Variants in CYSLTR1 observed in about 807,000 individuals in gnomAD.
CYSLTR1 encodes cysteinyl leukotriene receptor 1, also known as G-protein coupled receptor HG55.
Under a neutral mutation model 2.1 loss-of-function variants are expected in CYSLTR1, and 1 was observed. That is an observed-to-expected ratio of 0.48 (90% CI 0.17 to 2.28). CYSLTR1 has a LOEUF of 2.28. Ranked by LOEUF, CYSLTR1 falls within the 30% of genes most tolerant of loss-of-function variation. The pLI is 0.26. For missense variants in CYSLTR1, 299 were observed against 250.1 expected (o/e 1.20, Z -1.32); for synonymous variants, 110 against 89.6 (o/e 1.23, Z -1.28).
At chrX:78,301,919 A>G (rs1348884227) in intron 1 of CYSLTR1, among the ~76,000 whole-genome samples, 1 of 112,270 alleles carries the variant, frequency 8.9e-6, no homozygotes, top group Non-Finnish European at 1.9e-5. Context: ...AGAAGGCAAA[A>G]GCCACACCTT....
Position 78,273,720 on chromosome X carries a change from T to C in CYSLTR1, c.27A>G (p.Val9=). The stretch of plus-strand genomic sequence containing the variant: ...TAGTGTCATGGCATGTGGCAGAAGA[T>C]ACTGTCAGATTTCCTGTTTCATCCA... MDETGNLT[V]SSATCHDTID... The change falls in exon 3 of 3, where the codon GTA becomes GTG. Residue 9 remains valine (V), a synonymous_variant. Transcript: ENST00000373304. 2 of 1,199,763 alleles carry C rather than the reference T, an allele frequency of 1.7e-6. No homozygotes were observed. Among genetic ancestry groups the C allele is most frequent in the South Asian group, 1.8e-5 (1 of 55,493 alleles).
chrX:78,286,770 C>A (rs1922093299), intron 1 of CYSLTR1, among the ~76,000 whole-genome samples: 1 of 109,180 alleles, frequency 9.2e-6, no homozygotes, highest in Non-Finnish European at 1.9e-5. Flanking sequence ...TGACAAACAG[C>A]TTTTTAAGGT....
At chrX:78,324,298 C>T (rs772599634) in intron 1 of CYSLTR1, among the ~76,000 whole-genome samples, 79 of 112,473 alleles carry the variant, frequency 7.0e-4, no homozygotes, top group Middle Eastern at 8.4e-3. Context: ...TCTTTATTGC[C>T]TTTTCTGTAG....
intron 2 of CYSLTR1, among the ~76,000 whole-genome samples, chrX:78,280,454 G>A (rs1299049525): frequency 9.2e-6 from 1 of 108,278 alleles, no homozygotes; most frequent in Non-Finnish European, 1.9e-5. Flanking sequence ...AGTATACACT[G>A]TGAAATCATT....
chrX:78,301,347 C>T (rs1197474625), intron 1 of CYSLTR1, among the ~76,000 whole-genome samples: 1 of 112,085 alleles, frequency 8.9e-6, no homozygotes, highest in Non-Finnish European at 1.9e-5. Context: ...ACCTTTTATG[C>T]TCTGTTTCCC....
intron 1 of CYSLTR1, among the ~76,000 whole-genome samples, chrX:78,284,563 G>A (rs1921974959): frequency 9.1e-6 from 1 of 109,459 alleles, no homozygotes; most frequent in Non-Finnish European, 1.9e-5. Flanking sequence ...ACCACACCCA[G>A]CTAATTTTTG....
At chrX:78,277,697 C>G (rs1921656064) in intron 2 of CYSLTR1, among the ~76,000 whole-genome samples, 1 of 111,531 alleles carries the variant, frequency 9.0e-6, no homozygotes, top group Admixed American at 9.6e-5. Flanking sequence ...GAAACAAAGT[C>G]AATTGACTAA....
At chrX:78,288,768 T>C (rs975903535) in intron 1 of CYSLTR1, among the ~76,000 whole-genome samples, 5 of 111,376 alleles carry the variant, frequency 4.5e-5, no homozygotes, top group African/African-American at 1.6e-4. Context: ...TTATTCACTA[T>C]AGTCACTCTG....
intron 1 of CYSLTR1, among the ~76,000 whole-genome samples, chrX:78,316,632 A>G (rs1035550974): frequency 3.5e-4 from 39 of 111,977 alleles, no homozygotes; most frequent in African/African-American, 1.2e-3. Context: ...TGTGAACTAT[A>G]TGGCACAATA....
At chrX:78,326,311 A>AATAC (rs1365104924) in intron 1 of CYSLTR1, among the ~76,000 whole-genome samples, 1 of 112,519 alleles carries the variant, frequency 8.9e-6, no homozygotes. Context: ...TTTTAAATGT[A>AATAC]ATACAGTCCT....
chrX:78,302,569 C>T (rs760212360), intron 1 of CYSLTR1, among the ~76,000 whole-genome samples: 1 of 111,219 alleles, frequency 9.0e-6, no homozygotes, highest in Non-Finnish European at 1.9e-5. Context: ...ACCAAAGGCC[C>T]TTGACATAGT....
intron 1 of CYSLTR1, among the ~76,000 whole-genome samples, chrX:78,325,403 C>T (rs935263764): frequency 3.6e-5 from 4 of 112,041 alleles, no homozygotes; most frequent in African/African-American, 1.3e-4. Flanking sequence ...TAAACAAAAT[C>T]CTTCTGATGG....
At chrX:78,287,062 C>A (rs1234304799) in intron 1 of CYSLTR1, among the ~76,000 whole-genome samples, 1 of 111,443 alleles carries the variant, frequency 9.0e-6, no homozygotes, top group Non-Finnish European at 1.9e-5. Flanking sequence ...GGACACAATA[C>A]CTACATCAAA....
rs1921771841 is a variant in CYSLTR1 at position 78,280,095 on chromosome X, A to T, written c.-28+3359T>A. On this transcript the variant is annotated intron_variant, in intron 2 of 2. Transcript: ENST00000373304. ...ACAAACCTGCACATGTAGCCCCTGA[A>T]TCCTCCCCACCCCCCAAAATTGAAG... is the stretch of plus-strand genomic sequence containing the variant. 2.7e-5 allele frequency among the ~76,000 whole-genome samples: 3 copies of T among 110,219 alleles called. No homozygotes were observed. In the Admixed American group the frequency reaches 2.9e-4, roughly 11 times the overall value.
At chrX:78,308,661 G>A (rs1271554392) in intron 1 of CYSLTR1, among the ~76,000 whole-genome samples, 1 of 112,035 alleles carries the variant, frequency 8.9e-6, no homozygotes, top group Admixed American at 9.5e-5. Context: ...ACTACTTTCT[G>A]CCTAGTGTTA....
intron 1 of CYSLTR1, among the ~76,000 whole-genome samples, chrX:78,315,590 C>T (rs760670075): frequency 9.0e-6 from 1 of 111,217 alleles, no homozygotes; most frequent in Non-Finnish European, 1.9e-5. Flanking sequence ...GGGAACTTGG[C>T]CCTTAAGGGA....
At chrX:78,294,793 C>G (rs973979049) in intron 1 of CYSLTR1, among the ~76,000 whole-genome samples, 1 of 112,832 alleles carries the variant, frequency 8.9e-6, no homozygotes, top group Admixed American at 9.3e-5. Context: ...GAGCTAGGCA[C>G]ATGAGAGAAT....
chrX:78,280,175 A>C lies in CYSLTR1; in HGVS notation c.-28+3279T>G, dbSNP rs181627107. 1.1e-4 allele frequency among the ~76,000 whole-genome samples: 12 copies of C among 111,089 alleles called. No homozygotes were observed. The East Asian group carries it at 2.3e-3, about 21-fold the overall frequency. On this transcript the variant is annotated intron_variant, in intron 2 of 2. Coordinates refer to ENST00000373304, the MANE Select transcript of CYSLTR1 (RefSeq NM_006639.4). ...TGTAACTCCTATTCCAAACTCCTGC[A>C]TTATTTCTCAGTTTGCTTTCTAGTT...
chrX:78,301,499 C>T (rs1056175302), intron 1 of CYSLTR1, among the ~76,000 whole-genome samples: 6 of 112,085 alleles, frequency 5.4e-5, no homozygotes, highest in Admixed American at 9.4e-5. Context: ...CAAAATGCCA[C>T]GAGTCTTTTT....
Sources: gnomAD v4.1 joint callset for allele counts (sites outside exome capture counted in the v4.1 genomes callset) on GRCh38, gnomAD v4.1.1 for gene constraint, MANE v1.5 for transcripts, NCBI Gene and HGNC (gene_info 2026-07-23, HGNC 2026-07-21) for gene names.